GLIS3: variants seen among roughly 807,000 people sequenced by gnomAD.
The protein encoded by GLIS3 is zinc finger protein GLIS3.
In GLIS3, 53 loss-of-function variants were observed where a neutral mutation model predicts 78.6. The observed-to-expected ratio is 0.67, with a 90% confidence interval of 0.54 to 0.85. The LOEUF is 0.85. GLIS3 is among the 40% of genes least tolerant of loss of function. The pLI is 0.00. For missense variants in GLIS3, 1,703 were observed against 1,231.1 expected (o/e 1.38, Z -5.74); for synonymous variants, 684 against 509.9 (o/e 1.34, Z -4.60).
chr9:4,030,410 T>C (rs1351669301), intron 4 of GLIS3, among the ~76,000 whole-genome samples: 5 of 152,210 alleles, frequency 3.3e-5, no homozygotes, highest in Non-Finnish European at 7.3e-5. Flanking sequence ...CTCTTCACTT[T>C]GTCGGTCGCT....
In GLIS3 at chr9:3,997,365, A is replaced by C. The variant is rs559585837; in HGVS notation, c.1711-60176T>G. The stretch of plus-strand genomic sequence containing the variant: ...CGAAATTCCGTCTCAAGAAAACAAT[A>C]AAAATAAAAATAAAATAAAATAAAA... On this transcript the variant is annotated intron_variant, in intron 4 of 10. Coordinates refer to ENST00000381971, the MANE Select transcript of GLIS3 (RefSeq NM_001042413.2). Among the ~76,000 whole-genome samples the C allele has an allele frequency of 2.0e-5, 3 of 152,084 alleles. No individual in the cohort carries two copies. The East Asian group carries it at 5.8e-4, about 29-fold the overall frequency.
At chr9:4,282,094 T>C (rs2130297257) in intron 2 of GLIS3, among the ~76,000 whole-genome samples, 1 of 152,356 alleles carries the variant, frequency 6.6e-6, no homozygotes, top group East Asian at 1.9e-4. Context: ...TCAAGTCAGA[T>C]GCTTGTCTGT....
chr9:4,446,388 G>A, the GLIS3 span, among the ~76,000 whole-genome samples: 1 of 151,896 alleles, frequency 6.6e-6, no homozygotes, highest in Non-Finnish European at 1.5e-5. Context: ...CCTTGATCTT[G>A]GACTTCCCAG....
At chr9:4,100,148 T>C (rs1023809921) in intron 4 of GLIS3, among the ~76,000 whole-genome samples, 22 of 152,244 alleles carry the variant, frequency 1.4e-4, no homozygotes, top group Admixed American at 3.9e-4. Context: ...CTGTTATATA[T>C]CGGTAAAAGA....
At chr9:4,057,213 G>A (rs921680408) in intron 4 of GLIS3, among the ~76,000 whole-genome samples, 6 of 152,136 alleles carry the variant, frequency 3.9e-5, no homozygotes, top group South Asian at 2.1e-4. Context: ...AGTCCCATCG[G>A]CCCCTACCCT....
At chr9:4,193,128 C>G (rs1339356101) in intron 2 of GLIS3, among the ~76,000 whole-genome samples, 3 of 152,228 alleles carry the variant, frequency 2.0e-5, no homozygotes, top group Non-Finnish European at 4.4e-5. Flanking sequence ...TTTTACTTAG[C>G]TAATTCTGGT....
the GLIS3 span, among the ~76,000 whole-genome samples, chr9:4,378,105 G>C: frequency 0.69 from 105,419 of 151,986 alleles, 36,776 homozygotes; most frequent in African/African-American, 0.73. Context: ...TTTGGAGATA[G>C]TAAAGTAATA....
At chr9:4,253,392 G>A (rs1824584436) in intron 2 of GLIS3, among the ~76,000 whole-genome samples, 1 of 152,188 alleles carries the variant, frequency 6.6e-6, no homozygotes, top group Non-Finnish European at 1.5e-5. Context: ...ATTCCCCGTG[G>A]CTTTGTTTAC....
At chr9:3,985,230 T>C (rs908227259) in intron 4 of GLIS3, among the ~76,000 whole-genome samples, 8 of 152,114 alleles carry the variant, frequency 5.3e-5, no homozygotes, top group African/African-American at 1.9e-4. Context: ...GCAACCTCCA[T>C]CTCCAAGTCT....
At position 4,079,760 on chromosome 9, in the gene GLIS3, G is replaced by GA. The variant is rs1003004553; in HGVS notation, c.1710+38007dup. ...GATGGATGTGAAAAAAAAAAAAAAA[G>GA]AAAAAAGAAAACCTACCTGAAACAG... On this transcript the variant is annotated intron_variant, in intron 4 of 10. Coordinates refer to ENST00000381971, the MANE Select transcript of GLIS3 (RefSeq NM_001042413.2). Among the ~76,000 whole-genome samples, 151 of 139,192 alleles carry GA rather than the reference G, an allele frequency of 1.1e-3. 1 individual carries two copies. Among genetic ancestry groups the GA allele is most frequent in the African/African-American group, 3.8e-3 (145 of 37,886 alleles). 91.3% of individuals were successfully genotyped at this position (139,192 alleles called of 152,430 possible). A position where few individuals can be genotyped will look rare whatever the true frequency, so the allele number is the denominator to read the frequency against.
the GLIS3 span, among the ~76,000 whole-genome samples, chr9:4,375,610 G>A: frequency 2.6e-4 from 40 of 152,248 alleles, no homozygotes; most frequent in Middle Eastern, 3.4e-3. Context: ...GATGTAAAAA[G>A]TAACAACTAA....
At chr9:3,905,140 ATTTTTTTCT>A (rs1439832206) in intron 6 of GLIS3, among the ~76,000 whole-genome samples, 1 of 109,124 alleles carries the variant, frequency 9.2e-6, no homozygotes, top group Non-Finnish European at 1.8e-5. Flanking sequence ...GCCCGGTTAA[ATTTTTTTCT>A]TTTTTTTTTT....
chr9:3,967,373 C>T (rs1025357815), intron 4 of GLIS3, among the ~76,000 whole-genome samples: 28 of 151,944 alleles, frequency 1.8e-4, no homozygotes, highest in African/African-American at 5.3e-4. Context: ...CGTGGTTGCA[C>T]GTGCCTGTAG....
intron 4 of GLIS3, among the ~76,000 whole-genome samples, chr9:3,963,534 G>C (rs935961451): frequency 6.6e-6 from 1 of 152,166 alleles, no homozygotes; most frequent in African/African-American, 2.4e-5. Flanking sequence ...AACTGTTAGT[G>C]ACTCAGCCAG....
At chr9:4,177,573 A>G (rs902121349) in intron 2 of GLIS3, among the ~76,000 whole-genome samples, 5 of 152,220 alleles carry the variant, frequency 3.3e-5, no homozygotes, top group African/African-American at 1.2e-4. Flanking sequence ...GAGGAACCCT[A>G]GAGTTTCAAA....
chr9:3,951,541 T>G (rs571488167), intron 4 of GLIS3, among the ~76,000 whole-genome samples: 1 of 152,074 alleles, frequency 6.6e-6, no homozygotes, highest in Non-Finnish European at 1.5e-5. Flanking sequence ...ACATGAGCAT[T>G]TGAGACCTGA....
chr9:4,249,888 T>C (rs1422121288), intron 2 of GLIS3, among the ~76,000 whole-genome samples: 1 of 152,228 alleles, frequency 6.6e-6, no homozygotes, highest in Non-Finnish European at 1.5e-5. Context: ...ATGTGGTTTT[T>C]GTCATAGGTT....
intron 2 of GLIS3, among the ~76,000 whole-genome samples, chr9:4,134,906 C>G (rs938505576): frequency 2.0e-5 from 3 of 152,128 alleles, no homozygotes; most frequent in African/African-American, 7.2e-5. Flanking sequence ...ACCTAGAAGG[C>G]TTGTCCTGAA....
At chr9:4,419,364 T>C in the GLIS3 span, among the ~76,000 whole-genome samples, 1 of 152,208 alleles carries the variant, frequency 6.6e-6, no homozygotes, top group Non-Finnish European at 1.5e-5. Flanking sequence ...CTCACCGTTC[T>C]GCAGGCTGTA....
Sources: allele counts gnomAD v4.1 joint callset (sites outside exome capture counted in the v4.1 genomes callset), GRCh38; gene constraint gnomAD v4.1.1; transcripts MANE v1.5; gene names NCBI Gene and HGNC (gene_info 2026-07-23, HGNC 2026-07-21).